PCM1: variants seen among roughly 807,000 people sequenced by gnomAD.
PCM1 encodes the protein pericentriolar material 1 protein.
In PCM1, 157 loss-of-function variants were observed where a neutral mutation model predicts 241.9. That is an observed-to-expected ratio of 0.65 (90% CI 0.57 to 0.74). The LOEUF is 0.74. PCM1 is among the 30% of genes least tolerant of loss of function. The pLI is 0.00. For missense variants in PCM1, 3,478 were observed against 2,360.1 expected (o/e 1.47, Z -9.81); for synonymous variants, 1,085 against 784.9 (o/e 1.38, Z -6.39).
rs762828080 is a variant in PCM1 at position 17,986,026 on chromosome 8, G to C, written c.4349G>C (p.Gly1450Ala). Residue 1450 changes from glycine (G) to alanine (A), a missense_variant, in exon 26 of 39, where the codon GGT (glycine) becomes GCT (alanine). Gly to Ala is a moderately conservative substitution (Grantham distance 60, BLOSUM62 0). Coordinates refer to ENST00000325083, the MANE Select transcript of PCM1 (RefSeq NM_006197.4). ...KGENVKSVNSGTWIASNSELT... is the reference protein window; with the variant it reads ...KGENVKSVNSATWIASNSELT... ...GAAAATGTAAAGTCAGTAAACTCTG[G>C]TACTTGGATAGCATCAAACTCAGAA... 1 of 1,599,640 alleles carries C rather than the reference G, an allele frequency of 6.3e-7. No homozygotes were observed. The highest frequency in any genetic ancestry group is 8.5e-7 in the Non-Finnish European group (1 of 1,169,718).
At chr8:18,021,218 T>TTTTCCC (rs1564445235) in intron 36 of PCM1, among the ~76,000 whole-genome samples, 18 of 151,978 alleles carry the variant, frequency 1.2e-4, no homozygotes, top group Admixed American at 3.3e-4. Context: ...TCCTGAGTCC[T>TTTTCCC]TCAAACTGTC....
chr8:17,933,841 C>T (rs566444031), intron 2 of PCM1, among the ~76,000 whole-genome samples: 1 of 151,836 alleles, frequency 6.6e-6, no homozygotes, highest in South Asian at 2.1e-4. Flanking sequence ...TGATATGTAG[C>T]ATTCTTATTT....
chr8:17,970,413 A>G (rs1185699436), intron 22 of PCM1, among the ~76,000 whole-genome samples: 2 of 150,158 alleles, frequency 1.3e-5, no homozygotes, highest in African/African-American at 4.9e-5. Flanking sequence ...CTGTTTAATT[A>G]CTGAGTCATT....
chr8:17,989,583 G>C (rs444986), intron 26 of PCM1, among the ~76,000 whole-genome samples: 1 of 151,942 alleles, frequency 6.6e-6, no homozygotes, highest in South Asian at 2.1e-4. Flanking sequence ...TGTTAACTTT[G>C]CCAAATTAGA....
intron 38 of PCM1, among the ~76,000 whole-genome samples, chr8:18,026,777 G>T (rs548900840): frequency 1.3e-5 from 2 of 152,006 alleles, no homozygotes; most frequent in Admixed American, 1.3e-4. Context: ...TGTGCATTTT[G>T]TTCCATCAAC....
intron 36 of PCM1, among the ~76,000 whole-genome samples, chr8:18,020,340 G>A (rs1359768229): frequency 6.6e-6 from 1 of 152,122 alleles, no homozygotes; most frequent in South Asian, 2.1e-4. Flanking sequence ...TAGTATTAGG[G>A]AATAAATGTT....
chr8:17,939,325 G>C (rs560150323), intron 5 of PCM1, among the ~76,000 whole-genome samples: 33 of 152,068 alleles, frequency 2.2e-4, no homozygotes, highest in Non-Finnish European at 4.6e-4. Flanking sequence ...TTTTAAAATG[G>C]CAAATATTCT....
At chr8:18,005,321 C>G (rs989826756) in intron 29 of PCM1, among the ~76,000 whole-genome samples, 39 of 150,526 alleles carry the variant, frequency 2.6e-4, no homozygotes, top group African/African-American at 9.0e-4. Flanking sequence ...TAGTATTTGA[C>G]TCTCTGAAGA....
chr8:17,930,101 CTT>C (rs3988353), intron 2 of PCM1, among the ~76,000 whole-genome samples: 10,614 of 109,254 alleles, frequency 0.097, 394 homozygotes, highest in African/African-American at 0.16. Context: ...GGAATACTTC[CTT>C]TTTTTTTTTT....
At chr8:18,023,081 A>G (rs939499436) in intron 36 of PCM1, among the ~76,000 whole-genome samples, 4 of 152,184 alleles carry the variant, frequency 2.6e-5, no homozygotes, top group African/African-American at 9.7e-5. Flanking sequence ...CAATCACATC[A>G]TTCCCAATTG....
Position 17,957,412 on chromosome 8 carries a change from C to T in PCM1, c.1795C>T (p.Pro599Ser). The change falls in exon 12 of 39, where the codon CCT becomes TCT. Residue 599 changes from proline to serine, a missense_variant. Pro to Ser is a moderately conservative substitution (Grantham distance 74). Coordinates refer to ENST00000325083, the MANE Select transcript of PCM1 (RefSeq NM_006197.4). ...CAACATAAGGGCTCTAAACATGCCT[C>T]CTTCTTTAGGTATGACTGACTGTAT... The part of the protein sequence containing the change: ...AANIRALNMP[P>S]SLDCRYNREG... 7 of 1,612,380 alleles carry T rather than the reference C, an allele frequency of 4.3e-6. No individual in the cohort carries two copies. Among genetic ancestry groups the T allele is most frequent in the Non-Finnish European group, 5.9e-6 (7 of 1,178,916 alleles).
intron 15 of PCM1, among the ~76,000 whole-genome samples, chr8:17,961,601 G>C (rs568382755): frequency 6.6e-6 from 1 of 152,180 alleles, no homozygotes; most frequent in South Asian, 2.1e-4. Context: ...GTGAGCCACC[G>C]CTCCCGGCCT....
In PCM1 at chr8:17,947,484, T is replaced by C. The variant is rs2064269159; in HGVS notation, c.961+121T>C. The C allele has an allele frequency of 9.6e-6, 7 of 726,786 alleles. No individual in the cohort carries two copies. In the South Asian group the frequency reaches 1.2e-4, roughly 12 times the overall value. 45.0% of individuals were successfully genotyped at this position (726,786 alleles called of 1,614,324 possible). On this transcript the variant is annotated intron_variant, in intron 7 of 38. Coordinates refer to ENST00000325083, the MANE Select transcript of PCM1 (RefSeq NM_006197.4). ...TTGTTGTCTAGTTTAGAAACCTTCA[T>C]ATGAGGCTTATACTTTCCTGTGCTT...
At chr8:18,004,161 T>TA (rs2090545248) in intron 29 of PCM1, among the ~76,000 whole-genome samples, 2 of 152,168 alleles carry the variant, frequency 1.3e-5, no homozygotes, top group African/African-American at 4.8e-5. Context: ...TTATGTAAGT[T>TA]ACATGCTATC....
In PCM1 at chr8:17,937,299, T is replaced by C. The variant is rs373255331; in HGVS notation, c.262T>C (p.Tyr88His). Residue 88 changes from tyrosine (Y) to histidine (H), a missense_variant, in exon 4 of 39, where the codon TAC (tyrosine) becomes CAC (histidine). Tyr to His is a moderately conservative substitution (Grantham distance 83). Transcript: ENST00000325083. ...KTPHTFPHSR[Y>H]MSQMSVPEQA... Reference sequence around the variant, plus strand: ...TCCACATACGTTCCCACACAGTAGATACATGAGTCAGATGTCTGTCCCAGA... The same window carrying C: ...TCCACATACGTTCCCACACAGTAGACACATGAGTCAGATGTCTGTCCCAGA... The C allele has an allele frequency of 6.2e-7, 1 of 1,609,742 alleles. No individual in the cohort carries two copies. The highest frequency in any genetic ancestry group is 8.5e-7 in the Non-Finnish European group (1 of 1,176,970).
intron 28 of PCM1, among the ~76,000 whole-genome samples, chr8:17,992,713 C>T (rs1035197759): frequency 1.3e-5 from 2 of 151,182 alleles, no homozygotes; most frequent in Admixed American, 6.6e-5. Flanking sequence ...GCCTGCCAGG[C>T]TCAAGTGATT....
intron 14 of PCM1, 59 bp from the exon 15 acceptor site, chr8:17,960,256 G>T (rs1336946812): frequency 6.4e-7 from 1 of 1,563,160 alleles, no homozygotes; most frequent in Non-Finnish European, 8.7e-7. Context: ...GTTATGTTGT[G>T]CCTAATGCTT....
intron 29 of PCM1, among the ~76,000 whole-genome samples, chr8:18,005,439 C>G (rs1352379353): frequency 1.3e-5 from 2 of 149,994 alleles, no homozygotes; most frequent in Non-Finnish European, 3.0e-5. Flanking sequence ...CCTTGAACAT[C>G]TAGTTTGGCA....
At chr8:17,992,733 C>G (rs1220013391) in intron 28 of PCM1, among the ~76,000 whole-genome samples, 5 of 151,550 alleles carry the variant, frequency 3.3e-5, no homozygotes, top group African/African-American at 1.2e-4. Flanking sequence ...TCTCATGCCT[C>G]AGCCTCCCGA....
Sources: gnomAD v4.1 joint callset for allele counts (sites outside exome capture counted in the v4.1 genomes callset) on GRCh38, gnomAD v4.1.1 for gene constraint, MANE v1.5 for transcripts, NCBI Gene and HGNC (gene_info 2026-07-23, HGNC 2026-07-21) for gene names.